The following KHDRBS2 variants were observed in gnomAD, a reference collection of about 807,000 sequenced individuals.
The protein encoded by KHDRBS2 is KH RNA binding domain containing, signal transduction associated 2, also known as KH domain-containing, RNA-binding, signal transduction-associated protein 2.
Under a neutral mutation model 44.3 loss-of-function variants are expected in KHDRBS2, and 26 were observed. The ratio of observed to expected loss-of-function variants is 0.59; its 90% confidence interval spans 0.43 to 0.81. KHDRBS2 has a LOEUF of 0.81. Among genes scored for constraint, KHDRBS2 ranks in the 40% least tolerant of loss-of-function variants. The pLI, the probability that KHDRBS2 is intolerant of heterozygous loss-of-function variation, is 0.00. For missense variants in KHDRBS2, 476 were observed against 433.1 expected (o/e 1.10, Z -0.88); for synonymous variants, 194 against 151.1 (o/e 1.28, Z -2.08).
At chr6:61,816,614 G>T (rs1300510305) in intron 6 of KHDRBS2, 1 of 451,478 alleles carries the variant, frequency 2.2e-6, no homozygotes. Flanking sequence ...AACTCACCCA[G>T]TTTGTGGTAC....
chr6:61,855,237 A>G (rs928980483), intron 6 of KHDRBS2, among the ~76,000 whole-genome samples: 2 of 152,042 alleles, frequency 1.3e-5, no homozygotes, highest in Non-Finnish European at 2.9e-5. Context: ...TAAATTTTAA[A>G]CATCATAATG....
intron 1 of KHDRBS2, among the ~76,000 whole-genome samples, chr6:62,281,971 T>A (rs1172044618): frequency 2.6e-5 from 4 of 152,144 alleles, no homozygotes; most frequent in Non-Finnish European, 5.9e-5. Flanking sequence ...TTAAGAAACA[T>A]AAGATTATCC....
intron 6 of KHDRBS2, among the ~76,000 whole-genome samples, chr6:61,851,685 A>G (rs759185455): frequency 2.5e-4 from 38 of 152,174 alleles, no homozygotes; most frequent in Non-Finnish European, 5.0e-4. Flanking sequence ...AGCTTCCACA[A>G]CTGTAAGAAA....
At chr6:62,223,341 A>G (rs1016938072) in intron 1 of KHDRBS2, among the ~76,000 whole-genome samples, 8 of 152,208 alleles carry the variant, frequency 5.3e-5, no homozygotes, top group Admixed American at 2.0e-4. Flanking sequence ...GAAGCAGGGC[A>G]CTAAGTACCT....
intron 4 of KHDRBS2, among the ~76,000 whole-genome samples, chr6:61,905,142 T>A (rs1804726867): frequency 6.6e-6 from 1 of 152,210 alleles, no homozygotes. Context: ...TTGCCCAATT[T>A]TTTCAATACT....
chr6:62,003,571 A>T (rs1189362648), intron 3 of KHDRBS2, among the ~76,000 whole-genome samples: 1 of 152,134 alleles, frequency 6.6e-6, no homozygotes, highest in Non-Finnish European at 1.5e-5. Flanking sequence ...ATGATGACAG[A>T]CTTTAAAACT....
At chr6:61,823,351 A>C (rs1361810822) in intron 6 of KHDRBS2, among the ~76,000 whole-genome samples, 2 of 152,040 alleles carry the variant, frequency 1.3e-5, no homozygotes, top group Non-Finnish European at 2.9e-5. Context: ...AACCAAATAC[A>C]TTTTCTGATA....
At chr6:61,626,842 ATCTCTAGTCTTCATTTCTCTCTCTCT>A in the KHDRBS2 span, among the ~76,000 whole-genome samples, 1 of 151,520 alleles carries the variant, frequency 6.6e-6, no homozygotes, top group East Asian at 1.9e-4. Context: ...CTGAAGCCAC[ATCTCTAGTCTTCATTTCTCTCTCTCT>A]TCAGTTTTTT....
chr6:62,104,633 G>A (rs1156463100), intron 2 of KHDRBS2, among the ~76,000 whole-genome samples: 1 of 151,586 alleles, frequency 6.6e-6, no homozygotes, highest in African/African-American at 2.4e-5. Context: ...AGAATTTGTG[G>A]CATATCACCA....
intron 6 of KHDRBS2, among the ~76,000 whole-genome samples, chr6:61,854,315 ATAACT>A (rs1410892740): frequency 6.6e-6 from 1 of 151,904 alleles, no homozygotes; most frequent in Non-Finnish European, 1.5e-5. Context: ...TATGCCTTTT[ATAACT>A]TAACTATTGC....
At chr6:61,626,872 G>T in the KHDRBS2 span, among the ~76,000 whole-genome samples, 1 of 148,234 alleles carries the variant, frequency 6.7e-6, no homozygotes, top group Non-Finnish European at 1.5e-5. Flanking sequence ...TCTCTCTTCA[G>T]TTTTTTTTTT....
the KHDRBS2 span, among the ~76,000 whole-genome samples, chr6:61,611,554 T>G: frequency 6.6e-6 from 1 of 152,186 alleles, no homozygotes; most frequent in Non-Finnish European, 1.5e-5. Flanking sequence ...ATTTTAAGCT[T>G]TCATTAGAAG....
intron 6 of KHDRBS2, among the ~76,000 whole-genome samples, chr6:61,744,317 AC>A (rs896126465): frequency 2.6e-5 from 4 of 152,060 alleles, no homozygotes; most frequent in African/African-American, 9.7e-5. Context: ...ATGCCTGTAC[AC>A]TAAGTGGGTT....
At chr6:62,240,318 A>G (rs1834390901) in intron 1 of KHDRBS2, among the ~76,000 whole-genome samples, 1 of 151,976 alleles carries the variant, frequency 6.6e-6, no homozygotes, top group Admixed American at 6.6e-5. Flanking sequence ...TTCTAGTACT[A>G]AAAAATGTTT....
chr6:62,079,186 T>C (rs1796925471), intron 2 of KHDRBS2, among the ~76,000 whole-genome samples: 1 of 152,078 alleles, frequency 6.6e-6, no homozygotes, highest in Non-Finnish European at 1.5e-5. Flanking sequence ...GAAATGCTTT[T>C]CATTATATTT....
the KHDRBS2 span, among the ~76,000 whole-genome samples, chr6:61,657,070 TAG>T: frequency 6.6e-6 from 1 of 151,908 alleles, no homozygotes; most frequent in African/African-American, 2.4e-5. Flanking sequence ...AGATGGTCCA[TAG>T]AGAGAGTAGA....
chr6:62,078,545 C>A (rs573201535), intron 2 of KHDRBS2, among the ~76,000 whole-genome samples: 1 of 151,788 alleles, frequency 6.6e-6, no homozygotes. Context: ...TACTTGACTT[C>A]TAAGAGAAAA....
intron 7 of KHDRBS2, among the ~76,000 whole-genome samples, chr6:61,731,858 C>T (rs982323027): frequency 6.6e-6 from 1 of 152,050 alleles, no homozygotes; most frequent in African/African-American, 2.4e-5. Flanking sequence ...TCATAGTTAA[C>T]AAAAATAAAA....
At chr6:61,611,622 T>A in the KHDRBS2 span, among the ~76,000 whole-genome samples, 1 of 152,196 alleles carries the variant, frequency 6.6e-6, no homozygotes, top group Non-Finnish European at 1.5e-5. Context: ...AGTTAGTGAG[T>A]CCTATATACA....
Sources: allele counts gnomAD v4.1 joint callset (sites outside exome capture counted in the v4.1 genomes callset), GRCh38; gene constraint gnomAD v4.1.1; transcripts MANE v1.5; gene names NCBI Gene and HGNC (gene_info 2026-07-23, HGNC 2026-07-21).